HERC1: variants seen among roughly 807,000 people sequenced by gnomAD.
HERC1 encodes the protein probable E3 ubiquitin-protein ligase HERC1.
Under a neutral mutation model 554.3 loss-of-function variants are expected in HERC1, and 160 were observed. That is an observed-to-expected ratio of 0.29 (90% CI 0.25 to 0.33). The LOEUF (loss-of-function observed/expected upper bound fraction) is 0.33, where lower values mean the gene tolerates loss of function less well. Ranked by LOEUF, HERC1 falls within the 10% of genes least tolerant of loss-of-function variation. The probability of loss-of-function intolerance (pLI) is 1.00; values close to 1 mark genes in which losing one functional copy is unlikely to be tolerated. For missense variants in HERC1, 4,919 were observed against 5,918.5 expected (o/e 0.83, Z 5.54); for synonymous variants, 2,175 against 2,131.7 (o/e 1.02, Z -0.56).
chr15:63,776,529 A>T (rs1345145662), intron 1 of HERC1, among the ~76,000 whole-genome samples: 1 of 152,242 alleles, frequency 6.6e-6, no homozygotes, highest in Non-Finnish European at 1.5e-5. Flanking sequence ...AGAAAACATA[A>T]GACCATAAAA....
At chr15:63,777,093 C>A (rs546361962) in intron 1 of HERC1, among the ~76,000 whole-genome samples, 3 of 152,134 alleles carry the variant, frequency 2.0e-5, no homozygotes, top group Non-Finnish European at 2.9e-5. Flanking sequence ...TAGAGAGAAA[C>A]CTCAATCACT....
chr15:63,610,637 A>C (rs954796319), intron 77 of HERC1, among the ~76,000 whole-genome samples: 4 of 152,246 alleles, frequency 2.6e-5, no homozygotes, highest in African/African-American at 9.6e-5. Context: ...TCCTTCCTGC[A>C]CGTGGCTTCT....
rs12440258 is a variant in HERC1 at position 63,749,626 on chromosome 15, C to T, written c.2047+21G>A. The stretch of plus-strand genomic sequence containing the variant: ...ACAAGACAACAGTTAATACTATTTC[C>T]TTAAAAACAAATGACTTTACCATGA... On this transcript the variant is annotated intron_variant, in intron 9 of 77. Coordinates refer to ENST00000443617, the MANE Select transcript of HERC1 (RefSeq NM_003922.4). The surrounding 1 kb of genome is among the most constrained non-coding windows in gnomAD (Gnocchi z 4.1). 1 of 1,594,274 alleles carries T rather than the reference C, an allele frequency of 6.3e-7. No homozygotes were observed. Among genetic ancestry groups the T allele is most frequent in the South Asian group, 1.1e-5 (1 of 88,444 alleles).
At chr15:63,667,111 T>G (rs977440792) in intron 40 of HERC1, among the ~76,000 whole-genome samples, 1 of 152,182 alleles carries the variant, frequency 6.6e-6, no homozygotes, top group Non-Finnish European at 1.5e-5. Context: ...AGCTATAGTG[T>G]TGGTGGCCAT....
chr15:63,735,110 C>A (rs151323780), intron 12 of HERC1, among the ~76,000 whole-genome samples: 1 of 152,062 alleles, frequency 6.6e-6, no homozygotes, highest in Non-Finnish European at 1.5e-5. Context: ...TAAGGCTCTG[C>A]GCAAAGTGAT....
rs1267248982 is a variant in HERC1, at chr15:63,774,891, T to C, written c.733A>G (p.Arg245Gly). 1 of 1,614,020 alleles carries C rather than the reference T, an allele frequency of 6.2e-7. No homozygotes were observed. The highest frequency in any genetic ancestry group is 2.2e-5 in the East Asian group (1 of 44,878). ...PNSGADTLGR[R>G]LASELLLGLA... is the part of the protein sequence containing the mutation. ...CCAAGCAGCAACTCAGAAGCTAATC[T>C]ACGACCTAAAGTGTCTGCCCCAGAA... Residue 245 changes from arginine (R) to glycine (G), a missense_variant, in exon 2 of 78, where the codon AGA becomes GGA. By Grantham distance (125) the Arg-to-Gly change is moderately radical (BLOSUM62 -2). This residue lies in a region of HERC1 where 744 missense variants were observed against 1,090.0 expected (regional missense o/e 0.68). Transcript: ENST00000443617.
At chr15:63,779,159 G>A (rs747973587) in intron 1 of HERC1, among the ~76,000 whole-genome samples, 7 of 151,962 alleles carry the variant, frequency 4.6e-5, no homozygotes, top group East Asian at 1.9e-4. Flanking sequence ...ATTGGATTAC[G>A]TGAGGAAGAA....
At chr15:63,611,525 G>A (rs1293542108) in intron 77 of HERC1, among the ~76,000 whole-genome samples, 1 of 152,170 alleles carries the variant, frequency 6.6e-6, no homozygotes. Flanking sequence ...CAACACAAGT[G>A]GGCACAGAGG....
Position 63,630,547 on chromosome 15 carries a change from ATCT to A in HERC1, c.12882_12884del (p.Glu4294del), listed in dbSNP as rs1162325427. 1 of 1,613,936 alleles carries A rather than the reference ATCT, an allele frequency of 6.2e-7. No homozygotes were observed. The highest frequency in any genetic ancestry group is 1.3e-5 in the African/African-American group (1 of 74,956). On this transcript the variant is annotated inframe_deletion, in exon 69 of 78. Transcript: ENST00000443617. ...GTGTGTGTTCAGCTCCAACTGCCAC[ATCT>A]TCTATGATTACTCCAGCCAGGACAG...
chr15:63,619,135 T>C (rs1401115998), intron 74 of HERC1, among the ~76,000 whole-genome samples: 1 of 152,222 alleles, frequency 6.6e-6, no homozygotes, highest in Non-Finnish European at 1.5e-5. Flanking sequence ...TGTGGGTTTA[T>C]CATAGATAGC....
intron 1 of HERC1, among the ~76,000 whole-genome samples, chr15:63,808,070 TC>T (rs1348134462): frequency 1.3e-5 from 2 of 152,056 alleles, no homozygotes; most frequent in African/African-American, 2.4e-5. Context: ...TTAAGTTTCT[TC>T]TTTTGTATTC....
At chr15:63,772,512 A>G (rs932751150) in intron 2 of HERC1, among the ~76,000 whole-genome samples, 2 of 150,738 alleles carry the variant, frequency 1.3e-5, no homozygotes, top group African/African-American at 4.9e-5. Flanking sequence ...GTTTTAATAT[A>G]TATATATTAA....
chr15:63,763,269 GAATT>G (rs2142361179), intron 3 of HERC1, among the ~76,000 whole-genome samples: 1 of 152,238 alleles, frequency 6.6e-6, no homozygotes, highest in African/African-American at 2.4e-5. Flanking sequence ...AAGCACAAAA[GAATT>G]AATATAGTCA....
intron 1 of HERC1, among the ~76,000 whole-genome samples, chr15:63,788,688 A>T (rs1221747114): frequency 6.6e-6 from 1 of 151,928 alleles, no homozygotes; most frequent in Non-Finnish European, 1.5e-5. Context: ...AGGCTGAGGC[A>T]GGTGGATCAC....
intron 1 of HERC1, among the ~76,000 whole-genome samples, chr15:63,814,684 G>T (rs2077436262): frequency 6.6e-6 from 1 of 152,104 alleles, no homozygotes; most frequent in Non-Finnish European, 1.5e-5. Flanking sequence ...GGCCAGGCTG[G>T]TCTTGAACTC....
chr15:63,744,790 T>C (rs1456849431), intron 12 of HERC1, among the ~76,000 whole-genome samples: 1 of 152,104 alleles, frequency 6.6e-6, no homozygotes, highest in African/African-American at 2.4e-5. Context: ...AGAAATGCCA[T>C]CTAACAATCA....
intron 19 of HERC1, among the ~76,000 whole-genome samples, chr15:63,720,466 T>C (rs2073772366): frequency 6.6e-6 from 1 of 152,124 alleles, no homozygotes; most frequent in African/African-American, 2.4e-5. Flanking sequence ...AAAAACACGC[T>C]TGAAAAATTT....
intron 69 of HERC1, among the ~76,000 whole-genome samples, chr15:63,629,259 A>G (rs2068443290): frequency 6.6e-6 from 1 of 152,152 alleles, no homozygotes; most frequent in South Asian, 2.1e-4. Context: ...CCCCAATAAT[A>G]AAATACATTC....
intron 8 of HERC1, among the ~76,000 whole-genome samples, chr15:63,750,851 T>G (rs967639012): frequency 1.3e-4 from 20 of 152,132 alleles, no homozygotes; most frequent in Non-Finnish European, 2.6e-4. Flanking sequence ...GAAGATCTCT[T>G]GAGCCCAGGA....
Sources: allele counts gnomAD v4.1 joint callset (sites outside exome capture counted in the v4.1 genomes callset), GRCh38; gene constraint gnomAD v4.1.1; regional missense constraint gnomAD v4.1.1; non-coding constraint Gnocchi (gnomAD v3.1); transcripts MANE v1.5; gene names NCBI Gene and HGNC (gene_info 2026-07-23, HGNC 2026-07-21).